ADGRE2: variants seen among roughly 807,000 people sequenced by gnomAD.
ADGRE2 encodes adhesion G protein-coupled receptor E2.
A neutral mutation model predicts 100.8 loss-of-function variants in ADGRE2; 83 were observed. The observed-to-expected ratio is 0.82, with a 90% CI of 0.69 to 0.99. The LOEUF (loss-of-function observed/expected upper bound fraction) is 0.99, where lower values mean the gene tolerates loss of function less well. ADGRE2 is among the 50% of genes least tolerant of loss of function. The pLI, the probability that ADGRE2 is intolerant of heterozygous loss-of-function variation, is 0.00. For synonymous variants in ADGRE2, 355 were observed against 413.0 expected (o/e 0.86, Z 1.70); for missense variants, 814 against 1,035.7 (o/e 0.79, Z 2.94).
intron 14 of ADGRE2, among the ~76,000 whole-genome samples, chr19:14,752,854 C>G (rs921482504): frequency 5.3e-5 from 8 of 151,966 alleles, no homozygotes; most frequent in African/African-American, 1.7e-4. Flanking sequence ...TCACTGCAGC[C>G]TCTGTCTCCT....
At chr19:14,753,220 A>G (rs2335212) in intron 14 of ADGRE2, among the ~76,000 whole-genome samples, 58,097 of 151,544 alleles carry the variant, frequency 0.38, 12,729 homozygotes, top group African/African-American at 0.59. Context: ...GGAAAGTGAG[A>G]GTTAAAGAAA....
At chr19:14,764,659 G>C (rs754583367) in intron 10 of ADGRE2, 49 bp from the exon 11 acceptor site, 15 of 1,537,990 alleles carry the variant, frequency 9.8e-6, no homozygotes, top group Non-Finnish European at 1.2e-5. Flanking sequence ...CAGAGGGCCC[G>C]CATGAAGACT....
At chr19:14,737,451 C>A (rs1236414903) in intron 20 of ADGRE2, among the ~76,000 whole-genome samples, 2 of 152,046 alleles carry the variant, frequency 1.3e-5, no homozygotes, top group Non-Finnish European at 2.9e-5. Flanking sequence ...ATCTCAACCT[C>A]CCAAAAATGC....
In ADGRE2 at chr19:14,735,029, T is replaced by A. The variant is rs976768230; in HGVS notation, c.*1207A>T. On this transcript the variant is annotated 3_prime_UTR_variant, in exon 21 of 21. Transcript: ENST00000315576. ...CCATTTTGGACATGCCTAGTCTAGG[T>A]AGCTTTTTCCTATTGGCACAGCTGC... 5 of 152,180 alleles carry A rather than the reference T, an allele frequency of 3.3e-5. No individual in the cohort carries two copies. Among genetic ancestry groups the A allele is most frequent in the African/African-American group, 1.2e-4 (5 of 41,450 alleles). The allele number at this position is 152,180 out of a possible 1,614,324, so 9.4% of individuals were successfully genotyped here.
chr19:14,731,268 C>A, downstream of ADGRE2: 2 of 1,375,208 alleles, frequency 1.5e-6, no homozygotes, highest in Non-Finnish European at 2.0e-6. Flanking sequence ...AGGATCACTA[C>A]TGGGGCTTGA....
chr19:14,746,740 C>T (rs146360838), intron 17 of ADGRE2, among the ~76,000 whole-genome samples, 156 bp downstream of exon 17: 1 of 152,284 alleles, frequency 6.6e-6, no homozygotes, highest in East Asian at 1.9e-4. Context: ...TATTGAGTAA[C>T]AGTGTTGAGT....
At chr19:14,760,231 T>TA (rs1288707457) in intron 11 of ADGRE2, among the ~76,000 whole-genome samples, 3 of 152,128 alleles carry the variant, frequency 2.0e-5, no homozygotes, top group African/African-American at 7.2e-5. Flanking sequence ...ATACAAATGA[T>TA]AAGTACTCAA....
chr19:14,750,435 A>G (rs537825321), intron 16 of ADGRE2, among the ~76,000 whole-genome samples: 7 of 152,206 alleles, frequency 4.6e-5, no homozygotes, highest in South Asian at 2.1e-4. Flanking sequence ...AAGGGTATCT[A>G]TGAAAAATCC....
chr19:14,765,068 T>C (rs1175524740), intron 10 of ADGRE2, among the ~76,000 whole-genome samples: 1 of 152,168 alleles, frequency 6.6e-6, no homozygotes, highest in Non-Finnish European at 1.5e-5. Context: ...ACTCTGGTTA[T>C]GGCCCCTCAG....
In ADGRE2 at chr19:14,732,895, A is replaced by G. The variant is rs1449707162; in HGVS notation, c.*3341T>C. 6.6e-6 allele frequency: 1 copy of G among 152,226 alleles called. No homozygotes were observed. Among genetic ancestry groups the G allele is most frequent in the Non-Finnish European group, 1.5e-5 (1 of 68,038 alleles). The allele number at this position is 152,226 out of a possible 1,614,324, so 9.4% of individuals were successfully genotyped here. A position where few individuals can be genotyped will look rare whatever the true frequency, so the allele number is the denominator to read the frequency against. The stretch of plus-strand genomic sequence containing the variant: ...CAGTGGTAGAATTGAGTTGCTGTAA[A>G]TACCTGGCTCACAAAGCCTAACATA... On this transcript the variant is annotated 3_prime_UTR_variant, in exon 21 of 21. Coordinates refer to ENST00000315576, the MANE Select transcript of ADGRE2 (RefSeq NM_013447.4).
chr19:14,746,163 T>C, intron 18 of ADGRE2, 69 bp downstream of exon 18: 1 of 923,530 alleles, frequency 1.1e-6, no homozygotes. Context: ...CAGTGGCTGC[T>C]GAGGCACATG....
downstream of ADGRE2, among the ~76,000 whole-genome samples, chr19:14,729,385 G>A (rs1262830359): frequency 6.6e-6 from 1 of 151,878 alleles, no homozygotes; most frequent in Non-Finnish European, 1.5e-5. Context: ...TTTTGAGACA[G>A]GGTCTAATTG....
rs550901398 is a variant in ADGRE2, at chr19:14,736,283, C to CA, written c.2464-40dup. 9.7e-4 allele frequency: 1,336 copies of CA among 1,377,038 alleles called. 24 individuals carry two copies. The East Asian group carries it at 0.031, about 32-fold the overall frequency. The allele number at this position is 1,377,038 out of a possible 1,614,324, so 85.3% of individuals were successfully genotyped here. ...ATATGTATGTATTTTGTTGTTGAGA[C>CA]AGAGTTTCACTCTTGTTGCCTGGGC... On this transcript the variant is annotated intron_variant, in intron 20 of 20. Transcript: ENST00000315576.
intron 11 of ADGRE2, among the ~76,000 whole-genome samples, chr19:14,762,362 T>C (rs2043757030): frequency 6.6e-6 from 1 of 152,152 alleles, no homozygotes; most frequent in Non-Finnish European, 1.5e-5. Flanking sequence ...AAAACCATTA[T>C]GCTAGGTGAA....
intron 7 of ADGRE2, 179 bp downstream of exon 7, chr19:14,766,056 C>G: frequency 6.7e-6 from 9 of 1,344,208 alleles, no homozygotes; most frequent in South Asian, 2.7e-5. Context: ...AGCCTCCCCC[C>G]TCAGTACCCC....
intron 4 of ADGRE2, among the ~76,000 whole-genome samples, chr19:14,773,680 T>C (rs929359125): frequency 1.3e-5 from 2 of 151,960 alleles, no homozygotes; most frequent in African/African-American, 4.8e-5. Context: ...CGCGGCTATT[T>C]TGTGTATTTT....
rs1051853173 is a variant in ADGRE2 at position 14,764,461 on chromosome 19, C to T, written c.1056G>A (p.Leu352=). 7.4e-6 allele frequency: 12 copies of T among 1,613,040 alleles called. No homozygotes were observed. Among genetic ancestry groups the T allele is most frequent in the African/African-American group, 1.3e-5 (1 of 74,926 alleles). ...TGCCTGCAGGATAACTGAAGTTCAA[C>T]AGCCCATTGGAAAGGTTCTTGCTCA... ...RGLSKNLSNG[L]LNFSYPAGTE... Residue 352 remains leucine (L), a synonymous_variant, in exon 11 of 21, where the codon CTG becomes CTA. Coordinates refer to ENST00000315576, the MANE Select transcript of ADGRE2 (RefSeq NM_013447.4).
rs974885354 is a variant in ADGRE2 at position 14,735,951 on chromosome 19, G to A, written c.*285C>T. On this transcript the variant is annotated 3_prime_UTR_variant, in exon 21 of 21. Transcript: ENST00000315576. ...GAGAGGCTGTGAAAGAGGTCTTAAC[G>A]TTCTATAGCTTCATAAATATTGTGC... 5 of 294,870 alleles carry A rather than the reference G, an allele frequency of 1.7e-5. No individual in the cohort carries two copies. Among genetic ancestry groups the A allele is most frequent in the South Asian group, 6.5e-5 (1 of 15,288 alleles). The allele number at this position is 294,870 out of a possible 1,614,324, so 18.3% of individuals were successfully genotyped here. A position where few individuals can be genotyped will look rare whatever the true frequency, so the allele number is the denominator to read the frequency against.
At chr19:14,737,728 G>A (rs2042799100) in intron 20 of ADGRE2, among the ~76,000 whole-genome samples, 1 of 152,112 alleles carries the variant, frequency 6.6e-6, no homozygotes, top group South Asian at 2.1e-4. Flanking sequence ...TTGGGAGGCC[G>A]AGGCGGGCAG....
Sources: gnomAD v4.1 joint callset for allele counts (sites outside exome capture counted in the v4.1 genomes callset) on GRCh38, gnomAD v4.1.1 for gene constraint, MANE v1.5 for transcripts, NCBI Gene and HGNC (gene_info 2026-07-23, HGNC 2026-07-21) for gene names.